Variants in S100A13 observed in about 807,000 individuals in gnomAD.
S100A13 encodes the protein protein S100-A13.
A neutral mutation model predicts 8.2 loss-of-function variants in S100A13; 6 were observed. The observed-to-expected ratio is 0.73, with a 90% CI of 0.40 to 1.44. The LOEUF (loss-of-function observed/expected upper bound fraction) is 1.44. S100A13 is among the 40% of genes most tolerant of loss of function. The pLI is 0.02. For missense variants in S100A13, 114 were observed against 113.6 expected, an observed-to-expected ratio of 1.00 and a Z score of -0.02; for synonymous variants, 39 against 45.9, an observed-to-expected ratio of 0.85 and a Z score of 0.61.
At chr1:153,624,471 A>G (rs1313368048) in intron 2 of S100A13, among the ~76,000 whole-genome samples, 2 of 152,064 alleles carry the variant, frequency 1.3e-5, no homozygotes, top group Non-Finnish European at 1.5e-5. Flanking sequence ...AAAGAAGAAG[A>G]AACTAAAATC....
chr1:153,631,677 C>G, upstream of S100A13: 1 of 1,614,114 alleles, frequency 6.2e-7, no homozygotes, highest in Middle Eastern at 1.6e-4. Context: ...ACACCTCCCT[C>G]TTCCTCTCCT....
intron 2 of S100A13, 132 bp from the exon 3 acceptor site, chr1:153,619,170 A>G: frequency 1.2e-6 from 1 of 833,632 alleles, no homozygotes; most frequent in African/African-American, 1.7e-5. Flanking sequence ...CCCTTCTCTA[A>G]AGAAGGAGGC....
upstream of S100A13, chr1:153,628,103 G>T (rs1270495309): frequency 6.5e-7 from 1 of 1,550,346 alleles, no homozygotes; most frequent in Non-Finnish European, 8.7e-7. Context: ...GACCCCCTCA[G>T]CAGAATTCCC....
upstream of S100A13, chr1:153,631,093 A>C (rs918601038): frequency 3.4e-6 from 1 of 297,202 alleles, no homozygotes; most frequent in African/African-American, 2.2e-5. Flanking sequence ...GTAAATGCAG[A>C]CATTTTAGGA....
chr1:153,628,574 G>T, upstream of S100A13: 1 of 1,533,958 alleles, frequency 6.5e-7, no homozygotes, highest in African/African-American at 1.4e-5. Context: ...GCTCCAAGAG[G>T]CTGGGGACCA....
At chr1:153,625,886 G>C (rs961683225) in intron 2 of S100A13, among the ~76,000 whole-genome samples, 8 of 152,210 alleles carry the variant, frequency 5.3e-5, no homozygotes, top group Non-Finnish European at 1.0e-4. Context: ...CTCACAACCG[G>C]GTCAGGCGCA....
intron 1 of S100A13, 58 bp from the exon 2 acceptor site, chr1:153,626,591 G>A (rs1200831421): frequency 3.1e-6 from 3 of 967,308 alleles, no homozygotes; most frequent in Non-Finnish European, 3.1e-6. Flanking sequence ...ATGCAGGAAT[G>A]GTTCAGAAGG....
intron 2 of S100A13, among the ~76,000 whole-genome samples, chr1:153,621,940 T>C (rs1452175733): frequency 1.3e-5 from 2 of 152,112 alleles, no homozygotes; most frequent in Admixed American, 6.6e-5. Flanking sequence ...AAAGATATCA[T>C]TTTCACATCA....
At position 153,618,878 on chromosome 1, in the gene S100A13, A is replaced by G. The variant is rs1557919467; in HGVS notation, c.*17T>C. The G allele has an allele frequency of 6.2e-7, 1 of 1,613,672 alleles. No homozygotes were observed. On this transcript the variant is annotated 3_prime_UTR_variant, in exon 3 of 3. Transcript: ENST00000476133. ...TGATCAGCTCTGCCCTGCCCACCCC[A>G]TCTCAGCCAGGCGGCTTTACTTCTT... is the stretch of plus-strand genomic sequence containing the variant.
intron 2 of S100A13, among the ~76,000 whole-genome samples, chr1:153,619,439 C>A (rs1224491697): frequency 2.0e-5 from 3 of 152,164 alleles, no homozygotes; most frequent in African/African-American, 7.2e-5. Context: ...AGGGTTGGAC[C>A]CAGTCAGAGC....
At chr1:153,625,618 T>A (rs28754733) in intron 2 of S100A13, among the ~76,000 whole-genome samples, 1 of 152,044 alleles carries the variant, frequency 6.6e-6, no homozygotes, top group Non-Finnish European at 1.5e-5. Flanking sequence ...TCAGTTTCCA[T>A]ATATGTGAAG....
intron 2 of S100A13, among the ~76,000 whole-genome samples, chr1:153,622,415 A>G (rs1667328093): frequency 6.6e-6 from 1 of 152,234 alleles, no homozygotes; most frequent in Non-Finnish European, 1.5e-5. Flanking sequence ...TAATATTTCT[A>G]CTGCCAAACA....
upstream of S100A13, chr1:153,629,454 T>G (rs908128394): frequency 6.6e-6 from 1 of 152,198 alleles, no homozygotes; most frequent in African/African-American, 2.4e-5. Flanking sequence ...TGGGGACATC[T>G]GATCCGAGAC....
At chr1:153,625,377 C>T (rs1571289621) in intron 2 of S100A13, among the ~76,000 whole-genome samples, 1 of 152,286 alleles carries the variant, frequency 6.6e-6, no homozygotes, top group Non-Finnish European at 1.5e-5. Flanking sequence ...AACAAACTGT[C>T]AACAGCCAGA....
At chr1:153,626,185 C>T (rs993093399) in intron 2 of S100A13, 135 bp downstream of exon 2, 1 of 793,414 alleles carries the variant, frequency 1.3e-6, no homozygotes, top group Non-Finnish European at 2.1e-6. Flanking sequence ...CAAAAGAAAA[C>T]CTGCAACCAT....
At chr1:153,623,782 G>T (rs992147188) in intron 2 of S100A13, among the ~76,000 whole-genome samples, 1 of 152,160 alleles carries the variant, frequency 6.6e-6, no homozygotes, top group South Asian at 2.1e-4. Flanking sequence ...GTCCCTTTTG[G>T]GGTCTGTGGT....
chr1:153,632,301 T>C (rs1241116024), upstream of S100A13: 1 of 137,166 alleles, frequency 7.3e-6, no homozygotes, highest in Non-Finnish European at 1.5e-5. Flanking sequence ...AGACACAGTC[T>C]GGCTCTGTCA....
chr1:153,632,433 G>A (rs970818582), upstream of S100A13, among the ~76,000 whole-genome samples: 24 of 151,688 alleles, frequency 1.6e-4, no homozygotes, highest in African/African-American at 5.3e-4. Context: ...CACCACGCCC[G>A]GCTAATTTTT....
chr1:153,628,314 C>T (rs542286839), upstream of S100A13: 12 of 1,503,408 alleles, frequency 8.0e-6, no homozygotes, highest in South Asian at 1.3e-5. Flanking sequence ...AGACAGAGGG[C>T]GCCTCTGTCT....
Sources: allele counts gnomAD v4.1 joint callset (sites outside exome capture counted in the v4.1 genomes callset), GRCh38; gene constraint gnomAD v4.1.1; transcripts MANE v1.5; gene names NCBI Gene and HGNC (gene_info 2026-07-23, HGNC 2026-07-21).